The following WAC variants were observed in gnomAD, a reference collection of about 807,000 sequenced individuals.
WAC encodes the protein WW domain containing adaptor with coiled-coil, also known as WW domain-containing adapter protein with coiled-coil.
In WAC, 11 loss-of-function variants were observed where a neutral mutation model predicts 79.6. That is an observed-to-expected ratio of 0.14 (90% CI 0.09 to 0.23). The LOEUF (loss-of-function observed/expected upper bound fraction) is 0.23. Ranked by LOEUF, WAC falls within the 10% of genes least tolerant of loss-of-function variation. The pLI is 1.00. For synonymous variants in WAC, 304 were observed against 276.9 expected (o/e 1.10, Z -0.97); for missense variants, 728 against 773.5 (o/e 0.94, Z 0.70).
At chr10:28,596,288 A>G (rs529782146) in intron 7 of WAC, among the ~76,000 whole-genome samples, 34 of 152,202 alleles carry the variant, frequency 2.2e-4, no homozygotes, top group Non-Finnish European at 4.0e-4. Context: ...ATTTATAACA[A>G]TAATGGTTTA....
In WAC at chr10:28,610,926, T is replaced by C; in HGVS notation, c.1288+105T>C. 3 of 1,141,486 alleles carry C rather than the reference T, an allele frequency of 2.6e-6. No homozygotes were observed. The South Asian group carries it at 5.9e-5, about 22-fold the overall frequency. The allele number at this position is 1,141,486 out of a possible 1,614,324, so 70.7% of individuals were successfully genotyped here. ...TTTTTTCTTTCATTTTTTTTTTTAG[T>C]TTTTTAAGAGATTAGCTACAATAAT... is the stretch of plus-strand genomic sequence containing the variant. On this transcript the variant is annotated intron_variant, in intron 9 of 13. Transcript: ENST00000354911.
chr10:28,574,569 A>G lies in WAC; in HGVS notation c.275-8830A>G, dbSNP rs933162537. Among the ~76,000 whole-genome samples, 4 of 151,572 alleles carry G rather than the reference A, an allele frequency of 2.6e-5. No individual in the cohort carries two copies. In the East Asian group the frequency reaches 5.8e-4, roughly 22 times the overall value. Reference sequence around the variant, plus strand: ...GCGATTCTCCTGTGTCAGCCTCCTCAGTAGCTGGGACTACAGGCACACAGC... The same window carrying G: ...GCGATTCTCCTGTGTCAGCCTCCTCGGTAGCTGGGACTACAGGCACACAGC... On this transcript the variant is annotated intron_variant, in intron 3 of 13. Coordinates refer to ENST00000354911, the MANE Select transcript of WAC (RefSeq NM_016628.5).
At chr10:28,535,900 T>C in intron 3 of WAC, 143 bp downstream of exon 3, 1 of 704,936 alleles carries the variant, frequency 1.4e-6, no homozygotes, top group Admixed American at 3.5e-5. Flanking sequence ...TTTTTTTTAC[T>C]CTGAACAAGT....
chr10:28,606,913 T>G (rs560624564), intron 7 of WAC, among the ~76,000 whole-genome samples: 9 of 152,314 alleles, frequency 5.9e-5, no homozygotes, highest in African/African-American at 2.2e-4. Context: ...TGAGTAAATG[T>G]TCTCATTACT....
intron 3 of WAC, among the ~76,000 whole-genome samples, chr10:28,547,393 G>T (rs1204826050): frequency 6.6e-6 from 1 of 152,060 alleles, no homozygotes; most frequent in Non-Finnish European, 1.5e-5. Context: ...AAATTAGCTG[G>T]GCGTGGTGGC....
At chr10:28,554,676 C>T (rs900474267) in intron 3 of WAC, among the ~76,000 whole-genome samples, 1 of 152,206 alleles carries the variant, frequency 6.6e-6, no homozygotes, top group Non-Finnish European at 1.5e-5. Context: ...GAAAAGCACA[C>T]TTGCTTGTTC....
At position 28,533,865 on chromosome 10, in the gene WAC, G is replaced by A. The variant is rs1054927987; in HGVS notation, c.42-133G>A. 9 of 1,177,184 alleles carry A rather than the reference G, an allele frequency of 7.6e-6. No homozygotes were observed. The African/African-American group carries it at 1.4e-4, about 19-fold the overall frequency. 72.9% of individuals were successfully genotyped at this position (1,177,184 alleles called of 1,614,324 possible). A position where few individuals can be genotyped will look rare whatever the true frequency, so the allele number is the denominator to read the frequency against. ...CGGAGGCTCCGGGTTTGTGCCGTGT[G>A]CGTGCGGGGCTCGGCGCTGGGGCGC... On this transcript the variant is annotated intron_variant, in intron 1 of 13. Coordinates refer to ENST00000354911, the MANE Select transcript of WAC (RefSeq NM_016628.5).
At chr10:28,564,481 T>C (rs1838488333) in intron 3 of WAC, among the ~76,000 whole-genome samples, 1 of 152,112 alleles carries the variant, frequency 6.6e-6, no homozygotes, top group East Asian at 1.9e-4. Flanking sequence ...AATTAAGGAA[T>C]GTTAGTGGGG....
rs773851052 is a variant in WAC, at chr10:28,614,729, G to A, written c.1556+44G>A. On this transcript the variant is annotated intron_variant, in intron 11 of 13. Coordinates refer to ENST00000354911, the MANE Select transcript of WAC (RefSeq NM_016628.5). ...TTGAGACCACATTGTTTTATTTAAT[G>A]ATGGTACACTGCATTGTTTGAATAT... is the stretch of plus-strand genomic sequence containing the variant. 7 of 1,409,596 alleles carry A rather than the reference G, an allele frequency of 5.0e-6. No individual in the cohort carries two copies. In the Middle Eastern group the frequency reaches 5.3e-4, roughly 107 times the overall value. The allele number at this position is 1,409,596 out of a possible 1,614,324, so 87.3% of individuals were successfully genotyped here.
rs143772149 is a variant in WAC, at chr10:28,541,415, G to GTTTTTTTTTTTTTTTTTTTTTTTTTTTTT, written c.274+5662_274+5663insTTTTTTTTTTTTTTTTTTTTTTTTTTTTT. Reference sequence around the variant, plus strand: ...TTTTTGTGGGGTTGTGTGTGTGTGTGTTTTGTTTTTTTTTTTTTTTTTTTT... The same window carrying GTTTTTTTTTTTTTTTTTTTTTTTTTTTTT: ...TTTTTGTGGGGTTGTGTGTGTGTGTGTTTTTTTTTTTTTTTTTTTTTTTTTTTTTTTTTGTTTTTTTTTTTTTTTTTTTT... On this transcript the variant is annotated intron_variant, in intron 3 of 13. Coordinates refer to ENST00000354911, the MANE Select transcript of WAC (RefSeq NM_016628.5). 5.3e-5 allele frequency among the ~76,000 whole-genome samples: 2 copies of GTTTTTTTTTTTTTTTTTTTTTTTTTTTTT among 37,904 alleles called. 1 individual carries two copies. The highest frequency in any genetic ancestry group is 2.9e-4 in the African/African-American group (2 of 6,844). 24.9% of individuals were successfully genotyped at this position (37,904 alleles called of 152,430 possible).
chr10:28,611,609 T>TG (rs1841240018), intron 9 of WAC, 165 bp from the exon 10 acceptor site: 1 of 1,230,756 alleles, frequency 8.1e-7, no homozygotes, highest in South Asian at 1.6e-5. Context: ...TGTGGCCCAG[T>TG]GAGAAGGTCA....
intron 6 of WAC, 125 bp downstream of exon 6, chr10:28,590,957 A>G: frequency 2.4e-6 from 2 of 837,414 alleles, no homozygotes; most frequent in Non-Finnish European, 1.9e-6. Context: ...AGATTCTTTT[A>G]TGTTGGATTT....
At chr10:28,611,381 T>A in intron 9 of WAC, 1 of 1,299,104 alleles carries the variant, frequency 7.7e-7, no homozygotes, top group Non-Finnish European at 1.0e-6. Context: ...GGAAGTATAA[T>A]GGTGCAAAGA....
chr10:28,590,877 C>A lies in WAC; in HGVS notation c.610+45C>A, dbSNP rs775992564. 16 of 1,421,726 alleles carry A rather than the reference C, an allele frequency of 1.1e-5. 1 individual carries two copies. The South Asian group carries it at 1.8e-4, about 16-fold the overall frequency. 88.1% of individuals were successfully genotyped at this position (1,421,726 alleles called of 1,614,324 possible). On this transcript the variant is annotated intron_variant, in intron 6 of 13. Transcript: ENST00000354911. ...CTTTGAAATGTATGTTTGACTTATTCGTATTTATTTTTCAAATCTGTATCC... is the reference window on the plus strand; with the variant it reads ...CTTTGAAATGTATGTTTGACTTATTAGTATTTATTTTTCAAATCTGTATCC...
Position 28,596,055 on chromosome 10 carries a change from A to G in WAC, c.919+14A>G, listed in dbSNP as rs755219364. 1.2e-6 allele frequency: 2 copies of G among 1,610,198 alleles called. No individual in the cohort carries two copies. Among genetic ancestry groups the G allele is most frequent in the Non-Finnish European group, 1.7e-6 (2 of 1,177,808 alleles). ...CAGAAAGAAAAGGTATGCCATTATT[A>G]CTAGATGCTGCACGTTGAACTATAG... On this transcript the variant is annotated intron_variant, in intron 7 of 13. Transcript: ENST00000354911.
intron 3 of WAC, among the ~76,000 whole-genome samples, chr10:28,542,663 A>G (rs749962176): frequency 6.6e-6 from 1 of 152,210 alleles, no homozygotes; most frequent in African/African-American, 2.4e-5. Context: ...TGTAACATCA[A>G]ATGTGGATGG....
chr10:28,595,179 C>T (rs896810461), intron 6 of WAC, among the ~76,000 whole-genome samples: 4 of 152,138 alleles, frequency 2.6e-5, no homozygotes, highest in Non-Finnish European at 4.4e-5. Flanking sequence ...ATCATAACTT[C>T]AGTCATCTTA....
At chr10:28,566,140 A>G (rs886284743) in intron 3 of WAC, among the ~76,000 whole-genome samples, 1 of 152,234 alleles carries the variant, frequency 6.6e-6, no homozygotes, top group Non-Finnish European at 1.5e-5. Context: ...AAGCTTGGAA[A>G]GTCAGACAAA....
At chr10:28,598,922 T>C (rs1382618530) in intron 7 of WAC, among the ~76,000 whole-genome samples, 1 of 152,218 alleles carries the variant, frequency 6.6e-6, no homozygotes, top group African/African-American at 2.4e-5. Flanking sequence ...ATAGGGGAAA[T>C]TGTGCAGTCT....
Sources: gnomAD v4.1 joint callset for allele counts (sites outside exome capture counted in the v4.1 genomes callset) on GRCh38, gnomAD v4.1.1 for gene constraint, MANE v1.5 for transcripts, NCBI Gene and HGNC (gene_info 2026-07-23, HGNC 2026-07-21) for gene names.